Variants in AFG1L observed in about 807,000 individuals in gnomAD.
AFG1L encodes the protein AFG1 like ATPase.
A neutral mutation model predicts 62.2 loss-of-function variants in AFG1L; 53 were observed. The observed-to-expected ratio is 0.85, with a 90% CI of 0.68 to 1.07. The LOEUF (loss-of-function observed/expected upper bound fraction) is 1.07. AFG1L is among the 50% of genes least tolerant of loss of function. AFG1L has a pLI of 0.00. For missense variants in AFG1L, 555 were observed against 590.5 expected (o/e 0.94, Z 0.62); for synonymous variants, 228 against 210.3 (o/e 1.08, Z -0.73).
At chr6:108,459,395 C>T (rs773076077) in intron 8 of AFG1L, among the ~76,000 whole-genome samples, 40 of 152,188 alleles carry the variant, frequency 2.6e-4, no homozygotes, top group Non-Finnish European at 5.3e-4. Flanking sequence ...TGATTTGTTT[C>T]CCTTTCCCTG....
chr6:108,398,964 C>T (rs1781433570), intron 6 of AFG1L, among the ~76,000 whole-genome samples: 1 of 151,990 alleles, frequency 6.6e-6, no homozygotes, highest in South Asian at 2.1e-4. Flanking sequence ...TTTAGGATTG[C>T]TTTTTCTATT....
chr6:108,443,854 A>G (rs1379104108), intron 7 of AFG1L, among the ~76,000 whole-genome samples: 8 of 152,096 alleles, frequency 5.3e-5, no homozygotes, highest in Non-Finnish European at 8.8e-5. Flanking sequence ...CACCCTGGGC[A>G]ACAGAGTAAG....
At chr6:108,375,540 G>A (rs1780205977) in intron 6 of AFG1L, among the ~76,000 whole-genome samples, 1 of 152,130 alleles carries the variant, frequency 6.6e-6, no homozygotes, top group African/African-American at 2.4e-5. Flanking sequence ...ATGAAAGGAT[G>A]TTGGATTTTA....
At chr6:108,425,713 A>G (rs1460390369) in intron 7 of AFG1L, among the ~76,000 whole-genome samples, 1 of 152,098 alleles carries the variant, frequency 6.6e-6, no homozygotes, top group African/African-American at 2.4e-5. Context: ...TGCATACCTT[A>G]TTGTCTTTAG....
intron 3 of AFG1L, among the ~76,000 whole-genome samples, chr6:108,351,002 G>C (rs1779059242): frequency 6.6e-6 from 1 of 152,170 alleles, no homozygotes; most frequent in South Asian, 2.1e-4. Flanking sequence ...GAATACTGTA[G>C]GCAGTTGTAA....
chr6:108,303,456 C>T (rs1180414787), intron 1 of AFG1L, among the ~76,000 whole-genome samples: 2 of 152,190 alleles, frequency 1.3e-5, no homozygotes, highest in East Asian at 3.8e-4. Context: ...GCTAGCTCTT[C>T]CTGGTGTCTT....
In AFG1L at chr6:108,517,290, G is replaced by A. The variant is rs977819663; in HGVS notation, c.1204-2407G>A. Among the ~76,000 whole-genome samples the A allele has an allele frequency of 6.7e-4, 102 of 152,096 alleles. 1 individual carries two copies. The highest frequency in any genetic ancestry group is 1.2e-4 in the Non-Finnish European group (8 of 68,020). On this transcript the variant is annotated intron_variant, in intron 11 of 12. Transcript: ENST00000368977. ...GCAGTAACCAAAACAGCATGTTACTGGTACCAAAACAGAGATATAGACCAA... is the reference window on the plus strand; with the variant it reads ...GCAGTAACCAAAACAGCATGTTACTAGTACCAAAACAGAGATATAGACCAA...
intron 10 of AFG1L, among the ~76,000 whole-genome samples, chr6:108,490,509 A>G (rs938777895): frequency 6.6e-6 from 1 of 152,268 alleles, no homozygotes; most frequent in Non-Finnish European, 1.5e-5. Flanking sequence ...TAGCCTTAGC[A>G]TATGTGAAAA....
intron 10 of AFG1L, among the ~76,000 whole-genome samples, chr6:108,483,371 A>G (rs1449634943): frequency 6.6e-6 from 1 of 152,228 alleles, no homozygotes. Context: ...AACCCATATA[A>G]GCAAACATTC....
intron 6 of AFG1L, among the ~76,000 whole-genome samples, chr6:108,384,061 TAAAA>T (rs541978025): frequency 2.8e-3 from 223 of 80,044 alleles, no homozygotes; most frequent in African/African-American, 7.0e-3. Flanking sequence ...TCCTGGAGAG[TAAAA>T]AAAAAAAAAA....
intron 7 of AFG1L, among the ~76,000 whole-genome samples, chr6:108,403,796 T>C (rs1376998313): frequency 1.3e-5 from 2 of 151,972 alleles, no homozygotes; most frequent in Non-Finnish European, 2.9e-5. Flanking sequence ...TACTTTTTTT[T>C]TTTTCCTCCA....
intron 1 of AFG1L, among the ~76,000 whole-genome samples, chr6:108,305,024 C>A (rs1777150309): frequency 6.6e-6 from 1 of 152,098 alleles, no homozygotes. Context: ...TTATGAGACT[C>A]AAATAGGTTA....
chr6:108,478,820 C>G (rs941759702), intron 10 of AFG1L, among the ~76,000 whole-genome samples: 2 of 152,078 alleles, frequency 1.3e-5, no homozygotes, highest in African/African-American at 2.4e-5. Context: ...TAAAAATATG[C>G]TCATTGTTTT....
intron 6 of AFG1L, among the ~76,000 whole-genome samples, chr6:108,394,991 C>T (rs1165069639): frequency 6.6e-6 from 1 of 152,122 alleles, no homozygotes; most frequent in Non-Finnish European, 1.5e-5. Flanking sequence ...TCCTTTTACT[C>T]ATTAGAGGTG....
intron 1 of AFG1L, among the ~76,000 whole-genome samples, chr6:108,305,671 A>T (rs1582558941): frequency 6.6e-6 from 1 of 152,102 alleles, no homozygotes; most frequent in Non-Finnish European, 1.5e-5. Context: ...GGGCTCAAGC[A>T]GTGCGCCCGC....
chr6:108,417,522 TC>T (rs1382141267), intron 7 of AFG1L, among the ~76,000 whole-genome samples: 1 of 152,202 alleles, frequency 6.6e-6, no homozygotes, highest in African/African-American at 2.4e-5. Context: ...AGTAATCAGT[TC>T]ATTGAGAAAA....
intron 1 of AFG1L, among the ~76,000 whole-genome samples, chr6:108,302,877 C>T (rs1777060678): frequency 6.6e-6 from 1 of 152,060 alleles, no homozygotes; most frequent in African/African-American, 2.4e-5. Context: ...CAATTATGCT[C>T]CAAATTTTGT....
intron 8 of AFG1L, among the ~76,000 whole-genome samples, chr6:108,471,616 T>C (rs1388478431): frequency 6.6e-6 from 1 of 151,740 alleles, no homozygotes; most frequent in South Asian, 2.1e-4. Flanking sequence ...CCCGCCACCA[T>C]GCCCTGTTAA....
chr6:108,445,633 TGAGAGAGAGA>T (rs59323063), intron 7 of AFG1L, among the ~76,000 whole-genome samples: 4,206 of 130,122 alleles, frequency 0.032, 253 homozygotes, highest in African/African-American at 0.11. Context: ...ACACCTAAGG[TGAGAGAGAGA>T]GAGAGAGAGA....
Sources: allele counts gnomAD v4.1 joint callset (sites outside exome capture counted in the v4.1 genomes callset), GRCh38; gene constraint gnomAD v4.1.1; transcripts MANE v1.5; gene names NCBI Gene and HGNC (gene_info 2026-07-23, HGNC 2026-07-21).